Variants in PDE4B observed in about 807,000 individuals in gnomAD.
PDE4B encodes the protein 3',5'-cyclic-AMP phosphodiesterase 4B.
In PDE4B, 20 loss-of-function variants were observed where a neutral mutation model predicts 82.2. The observed-to-expected ratio is 0.24, with a 90% CI of 0.17 to 0.35. The LOEUF (loss-of-function observed/expected upper bound fraction) is 0.35, where lower values mean the gene tolerates loss of function less well. PDE4B is among the 10% of genes least tolerant of loss of function. The probability of loss-of-function intolerance (pLI) is 1.00; values close to 1 mark genes in which losing one functional copy is unlikely to be tolerated. For synonymous variants in PDE4B, 320 were observed against 318.9 expected, an observed-to-expected ratio of 1.00 and a Z score of -0.04; for missense variants, 655 against 907.2, an observed-to-expected ratio of 0.72 and a Z score of 3.57.
At chr1:66,306,344 G>C (rs971124015) in intron 7 of PDE4B, among the ~76,000 whole-genome samples, 13 of 152,154 alleles carry the variant, frequency 8.5e-5, no homozygotes, top group African/African-American at 3.1e-4. Flanking sequence ...ATCTGATGCG[G>C]TGTAAAAACA....
intron 3 of PDE4B, among the ~76,000 whole-genome samples, chr1:65,984,512 T>C (rs1251828428): frequency 6.6e-6 from 1 of 152,084 alleles, no homozygotes; most frequent in African/African-American, 2.4e-5. Context: ...GAGACAAAAA[T>C]AGTAACCAGG....
chr1:66,279,550 G>A (rs879836667), intron 7 of PDE4B, among the ~76,000 whole-genome samples: 4 of 152,076 alleles, frequency 2.6e-5, no homozygotes, highest in East Asian at 1.9e-4. Context: ...GCTTGAACTC[G>A]GGAAGTGGAG....
chr1:66,268,529 G>A (rs1655216360), intron 7 of PDE4B, among the ~76,000 whole-genome samples: 1 of 151,884 alleles, frequency 6.6e-6, no homozygotes, highest in Non-Finnish European at 1.5e-5. Context: ...TTAGCTGGGT[G>A]TGGTGGCACG....
chr1:66,183,627 A>G (rs1374212890), intron 3 of PDE4B, among the ~76,000 whole-genome samples: 1 of 152,182 alleles, frequency 6.6e-6, no homozygotes, highest in Non-Finnish European at 1.5e-5. Context: ...CACTTTTTCC[A>G]GTTGCATTTG....
At chr1:65,989,546 C>T (rs967691335) in intron 3 of PDE4B, among the ~76,000 whole-genome samples, 8 of 152,090 alleles carry the variant, frequency 5.3e-5, no homozygotes, top group Non-Finnish European at 1.5e-5. Context: ...AAACCTGAGA[C>T]ATACCTTTAA....
chr1:66,330,544 C>A (rs1440675794), intron 7 of PDE4B, among the ~76,000 whole-genome samples: 2 of 152,162 alleles, frequency 1.3e-5, no homozygotes, highest in Non-Finnish European at 2.9e-5. Flanking sequence ...TACTTTCTCC[C>A]CACCGTCCTG....
chr1:66,106,639 A>T (rs1645364292), intron 3 of PDE4B, among the ~76,000 whole-genome samples: 1 of 151,962 alleles, frequency 6.6e-6, no homozygotes, highest in Admixed American at 6.6e-5. Flanking sequence ...GTATTCAGAG[A>T]TTCAACTTCT....
At chr1:66,222,895 T>A (rs1374526603) in intron 3 of PDE4B, among the ~76,000 whole-genome samples, 1 of 152,318 alleles carries the variant, frequency 6.6e-6, no homozygotes, top group East Asian at 1.9e-4. Context: ...GGCATCTTAA[T>A]GGCTTTTCAT....
At chr1:65,846,733 TAG>T (rs1646272076) in intron 1 of PDE4B, among the ~76,000 whole-genome samples, 1 of 151,180 alleles carries the variant, frequency 6.6e-6, no homozygotes, top group Admixed American at 6.6e-5. Context: ...TATCTAGTGT[TAG>T]TTAGAGTTAC....
At chr1:65,793,498 G>A (rs1645597292) in intron 1 of PDE4B, among the ~76,000 whole-genome samples, 1 of 152,194 alleles carries the variant, frequency 6.6e-6, no homozygotes, top group African/African-American at 2.4e-5. Flanking sequence ...CTCTTGACAA[G>A]TCACTGGGGA....
chr1:66,215,427 A>G (rs1253844021), intron 3 of PDE4B, among the ~76,000 whole-genome samples: 1 of 152,198 alleles, frequency 6.6e-6, no homozygotes, highest in African/African-American at 2.4e-5. Context: ...GTTTGTAGCT[A>G]TGCTATACTA....
intron 3 of PDE4B, among the ~76,000 whole-genome samples, chr1:66,201,383 C>T (rs1041203672): frequency 2.0e-5 from 3 of 152,038 alleles, no homozygotes; most frequent in African/African-American, 7.3e-5. Flanking sequence ...GGAGGATTCC[C>T]TCTTTTTCTA....
intron 3 of PDE4B, among the ~76,000 whole-genome samples, chr1:66,068,260 A>C (rs1269492599): frequency 6.6e-6 from 1 of 151,930 alleles, no homozygotes; most frequent in Non-Finnish European, 1.5e-5. Context: ...AAACCAGCGA[A>C]GCTATCCCCA....
chr1:66,182,096 A>G (rs998626102), intron 3 of PDE4B, among the ~76,000 whole-genome samples: 1 of 152,182 alleles, frequency 6.6e-6, no homozygotes, highest in Non-Finnish European at 1.5e-5. Context: ...GCAAAAAAGC[A>G]GTTGGCTCTG....
chr1:66,364,563 GT>G (rs1557730975), intron 12 of PDE4B, among the ~76,000 whole-genome samples: 1 of 152,156 alleles, frequency 6.6e-6, no homozygotes, highest in Non-Finnish European at 1.5e-5. Flanking sequence ...TACAGATTCA[GT>G]TTGGAAGGTG....
chr1:66,108,546 A>G (rs1645419620), intron 3 of PDE4B, among the ~76,000 whole-genome samples: 1 of 152,016 alleles, frequency 6.6e-6, no homozygotes, highest in Non-Finnish European at 1.5e-5. Flanking sequence ...CAAACCACAC[A>G]TCTAATAAGG....
chr1:66,057,381 T>A (rs1423288035), intron 3 of PDE4B, among the ~76,000 whole-genome samples: 2 of 152,166 alleles, frequency 1.3e-5, no homozygotes, highest in Non-Finnish European at 2.9e-5. Context: ...AGTCCTTGGA[T>A]AAGGGCCTCT....
intron 1 of PDE4B, among the ~76,000 whole-genome samples, chr1:65,813,437 G>A (rs1645842355): frequency 6.6e-6 from 1 of 151,964 alleles, no homozygotes; most frequent in Non-Finnish European, 1.5e-5. Context: ...AGATATTTTT[G>A]CCATATAAAA....
intron 1 of PDE4B, among the ~76,000 whole-genome samples, chr1:65,874,962 A>G (rs1322440645): frequency 1.3e-5 from 2 of 151,804 alleles, no homozygotes; most frequent in Admixed American, 6.6e-5. Context: ...GATCTAATTA[A>G]ACCAAAGAGC....
Sources: gnomAD v4.1 joint callset for allele counts (sites outside exome capture counted in the v4.1 genomes callset) on GRCh38, gnomAD v4.1.1 for gene constraint, MANE v1.5 for transcripts, NCBI Gene and HGNC (gene_info 2026-07-23, HGNC 2026-07-21) for gene names.